Variants in TATDN3 observed in about 807,000 individuals in gnomAD.
TATDN3 encodes the protein deoxyribonuclease TATDN3.
Under a neutral mutation model 40.1 loss-of-function variants are expected in TATDN3, and 29 were observed. That is an observed-to-expected ratio of 0.72 (90% CI 0.54 to 0.99). TATDN3 has a LOEUF of 0.99. Among genes scored for constraint, TATDN3 ranks in the 50% least tolerant of loss-of-function variants. TATDN3 has a pLI of 0.00. For missense variants in TATDN3, 309 were observed against 321.9 expected, an observed-to-expected ratio of 0.96 and a Z score of 0.31; for synonymous variants, 105 against 117.0, an observed-to-expected ratio of 0.90 and a Z score of 0.66.
At chr1:212,806,870 A>ATATATACATATGTATATACACG (rs1662561314) in intron 7 of TATDN3, among the ~76,000 whole-genome samples, 1 of 95,452 alleles carries the variant, frequency 1.0e-5, no homozygotes, top group Admixed American at 9.4e-5. Flanking sequence ...GTATATACAC[A>ATATATACATATGTATATACACG]TATATACATA....
chr1:212,815,327 A>T lies in TATDN3; in HGVS notation c.*171A>T, dbSNP rs1214925047. 4 of 751,696 alleles carry T rather than the reference A, an allele frequency of 5.3e-6. No homozygotes were observed. The highest frequency in any genetic ancestry group is 3.5e-4 in the Middle Eastern group (1 of 2,858). 46.6% of individuals were successfully genotyped at this position (751,696 alleles called of 1,614,324 possible). A position where few individuals can be genotyped will look rare whatever the true frequency, so the allele number is the denominator to read the frequency against. ...AATAAAACTGGGCTTGGATCCTGAA[A>T]CCCTGGGTTCTGATTCTAGCCTTGT... On this transcript the variant is annotated 3_prime_UTR_variant, in exon 10 of 10. Coordinates refer to ENST00000366974, the MANE Select transcript of TATDN3 (RefSeq NM_001042552.3).
chr1:212,800,890 C>CTT (rs112248012), intron 4 of TATDN3, among the ~76,000 whole-genome samples: 65 of 140,194 alleles, frequency 4.6e-4, no homozygotes, highest in Middle Eastern at 3.7e-3. Context: ...GGTATGTAAT[C>CTT]TTTTTTTTTT....
intron 1 of TATDN3, chr1:212,794,615 C>G: frequency 2.9e-6 from 1 of 342,420 alleles, no homozygotes; most frequent in Non-Finnish European, 5.8e-6. Flanking sequence ...AAATGGGGGC[C>G]TCAGCATAAT....
rs1309045747 is a variant in TATDN3 at position 212,812,303 on chromosome 1, CACCTGCACTAGG to C, written c.660_671del (p.Ala221_Pro224del). On this transcript the variant is annotated inframe_deletion, in exon 9 of 10. Coordinates refer to ENST00000366974, the MANE Select transcript of TATDN3 (RefSeq NM_001042552.3). ...ACTTCTATATGCTTAGAAACAGATT[CACCTGCACTAGG>C]ACCAGAAAAACAGGTAAATGGTTTT... 1 of 1,570,364 alleles carries C rather than the reference CACCTGCACTAGG, an allele frequency of 6.4e-7. No homozygotes were observed. The highest frequency in any genetic ancestry group is 8.6e-7 in the Non-Finnish European group (1 of 1,158,742).
chr1:212,806,921 C>CATATGTATATACACATATATACAT (rs1558084198), intron 7 of TATDN3, among the ~76,000 whole-genome samples: 12 of 123,564 alleles, frequency 9.7e-5, no homozygotes, highest in African/African-American at 3.7e-4. Flanking sequence ...CACATATATA[C>CATATGTATATACACATATATACAT]ATATATATAT....
At position 212,804,426 on chromosome 1, in the gene TATDN3, CT is replaced by C; in HGVS notation, c.429del (p.Val144Ter). 1 of 1,612,366 alleles carries C rather than the reference CT, an allele frequency of 6.2e-7. No individual in the cohort carries two copies. ...CAGTTAGCCAAAAGACTAAATTTGC[CT>C]GTGTAGGTTAATTATTTTCCTATGT... Reference protein sequence around the residue: ...QIQLAKRLNLPVNVHSRSAGR... With the variant: ...QIQLAKRLNLXVNVHSRSAGR... On this transcript the variant is annotated frameshift_variant and splice_region_variant, in exon 6 of 10. Coordinates refer to ENST00000366974, the MANE Select transcript of TATDN3 (RefSeq NM_001042552.3). LOFTEE classifies it high-confidence loss of function.
chr1:212,804,632 C>G lies in TATDN3; in HGVS notation c.468C>G (p.Ile156Met). Reference sequence around the variant, plus strand: ...CACGCTCTGCTGGAAGACCTACCATCAACCTTTTACAAGAGCAAGGTATTT... The same window carrying G: ...CACGCTCTGCTGGAAGACCTACCATGAACCTTTTACAAGAGCAAGGTATTT... ...VHSRSAGRPT[I>M]NLLQEQGAEK... is the part of the protein sequence containing the mutation. Residue 156 changes from isoleucine to methionine, a missense_variant, in exon 7 of 10, where the codon ATC becomes ATG. Ile to Met is a conservative substitution (Grantham distance 10, BLOSUM62 1). Coordinates refer to ENST00000366974, the MANE Select transcript of TATDN3 (RefSeq NM_001042552.3). 1 of 1,613,556 alleles carries G rather than the reference C, an allele frequency of 6.2e-7. No homozygotes were observed. Among genetic ancestry groups the G allele is most frequent in the South Asian group, 1.1e-5 (1 of 90,904 alleles).
Position 212,802,693 on chromosome 1 carries a change from T to C in TATDN3, c.259-8T>C. 2.5e-6 allele frequency: 4 copies of C among 1,606,874 alleles called. No homozygotes were observed. Among genetic ancestry groups the C allele is most frequent in the Non-Finnish European group, 3.4e-6 (4 of 1,173,550 alleles). ...TCCATTTTAACAATTTTACTTTTTT[T>C]CTCCCAGGATTTGGATGTAGCTTTG... On this transcript the variant is annotated splice_region_variant and splice_polypyrimidine_tract_variant and intron_variant, in intron 4 of 9. Coordinates refer to ENST00000366974, the MANE Select transcript of TATDN3 (RefSeq NM_001042552.3).
intron 8 of TATDN3, among the ~76,000 whole-genome samples, chr1:212,811,041 G>A (rs1315827729): frequency 6.6e-6 from 1 of 152,056 alleles, no homozygotes; most frequent in Admixed American, 6.6e-5. Context: ...GGGGTGCAGT[G>A]ATGTGATCTT....
chr1:212,792,284 C>T (rs1661360363), intron 1 of TATDN3, among the ~76,000 whole-genome samples: 1 of 152,082 alleles, frequency 6.6e-6, no homozygotes, highest in Non-Finnish European at 1.5e-5. Context: ...CCTCGGGGCT[C>T]TCACCTCCTG....
At chr1:212,811,990 T>C (rs11120033) in intron 8 of TATDN3, among the ~76,000 whole-genome samples, 125,541 of 151,812 alleles carry the variant, frequency 0.83, 52,293 homozygotes, top group East Asian at 1. Flanking sequence ...CATGAGCCAC[T>C]GTGCCTGGCA....
Position 212,796,874 on chromosome 1 carries a change from C to T in TATDN3, c.174-238C>T. On this transcript the variant is annotated intron_variant, in intron 3 of 9. Transcript: ENST00000366974. ...GCCTCAGCCTCCCAAGTAGCTGGGT[C>T]TAAAGCATGCACCACCAGGCCTGGC... 6.2e-6 allele frequency: 3 copies of T among 486,458 alleles called. No homozygotes were observed. The East Asian group carries it at 9.9e-5, about 16-fold the overall frequency. The allele number at this position is 486,458 out of a possible 1,614,324, so 30.1% of individuals were successfully genotyped here. A position where few individuals can be genotyped will look rare whatever the true frequency, so the allele number is the denominator to read the frequency against.
chr1:212,799,232 G>A (rs375591282), intron 4 of TATDN3, among the ~76,000 whole-genome samples: 3 of 152,154 alleles, frequency 2.0e-5, no homozygotes, highest in East Asian at 3.9e-4. Context: ...ATGCAGTGGA[G>A]GGTTTAATGT....
At chr1:212,806,748 A>C (rs200579277) in intron 7 of TATDN3, among the ~76,000 whole-genome samples, 2 of 11,650 alleles carry the variant, frequency 1.7e-4, no homozygotes, top group South Asian at 2.8e-3. Context: ...CTCTCTCTCC[A>C]TATATATATA....
chr1:212,796,882 T>C (rs1661803336), intron 3 of TATDN3: 6 of 494,336 alleles, frequency 1.2e-5, no homozygotes, highest in Admixed American at 3.6e-5. Flanking sequence ...GTCTAAAGCA[T>C]GCACCACCAG....
intron 7 of TATDN3, among the ~76,000 whole-genome samples, chr1:212,807,404 C>T (rs1205388551): frequency 6.6e-6 from 1 of 152,028 alleles, no homozygotes; most frequent in African/African-American, 2.4e-5. Flanking sequence ...AGGCCTGCAC[C>T]ACCATGCCCA....
chr1:212,802,510 T>C (rs971134580), intron 4 of TATDN3, among the ~76,000 whole-genome samples, 191 bp from the exon 5 acceptor site: 28 of 152,254 alleles, frequency 1.8e-4, no homozygotes, highest in African/African-American at 6.5e-4. Flanking sequence ...GTATGGGATA[T>C]GTTTCTACTC....
chr1:212,806,752 A>G (rs1156837562), intron 7 of TATDN3, among the ~76,000 whole-genome samples: 1 of 56,154 alleles, frequency 1.8e-5, no homozygotes, highest in Non-Finnish European at 3.1e-5. Context: ...CTCTCCATAT[A>G]TATATATATA....
intron 8 of TATDN3, among the ~76,000 whole-genome samples, chr1:212,811,697 T>TATC (rs1662887638): frequency 6.6e-6 from 1 of 150,922 alleles, no homozygotes; most frequent in African/African-American, 2.4e-5. Context: ...ATTTTTATTT[T>TATC]ATTATTATTA....
Sources: allele counts gnomAD v4.1 joint callset (sites outside exome capture counted in the v4.1 genomes callset), GRCh38; gene constraint gnomAD v4.1.1; transcripts MANE v1.5; gene names NCBI Gene and HGNC (gene_info 2026-07-23, HGNC 2026-07-21).